Variants in ERBB4 observed in about 807,000 individuals in gnomAD.
The protein encoded by ERBB4 is erb-b2 receptor tyrosine kinase 4, also known as receptor tyrosine-protein kinase erbB-4.
Under a neutral mutation model 158.0 loss-of-function variants are expected in ERBB4, and 42 were observed. The observed-to-expected ratio is 0.27, with a 90% CI of 0.21 to 0.34. The LOEUF (loss-of-function observed/expected upper bound fraction) is 0.34. Among genes scored for constraint, ERBB4 ranks in the 10% least tolerant of loss-of-function variants. The pLI is 1.00. For synonymous variants in ERBB4, 583 were observed against 558.7 expected (o/e 1.04, Z -0.61); for missense variants, 1,333 against 1,624.1 (o/e 0.82, Z 3.08).
chr2:211,737,640 T>G (rs1165812045), intron 5 of ERBB4, among the ~76,000 whole-genome samples: 2 of 152,188 alleles, frequency 1.3e-5, no homozygotes, highest in African/African-American at 4.8e-5. Flanking sequence ...TTTTCATCTA[T>G]AAAATAAAAA....
At chr2:212,051,432 G>A (rs6712126) in intron 2 of ERBB4, among the ~76,000 whole-genome samples, 31,988 of 151,916 alleles carry the variant, frequency 0.21, 4,128 homozygotes, top group African/African-American at 0.37. Context: ...TATTCACTAA[G>A]ACTTTTATTT....
intron 5 of ERBB4, among the ~76,000 whole-genome samples, chr2:211,726,134 C>T (rs1413127637): frequency 6.6e-6 from 1 of 152,168 alleles, no homozygotes; most frequent in African/African-American, 2.4e-5. Context: ...TGTATTTCCA[C>T]TTCAGCCTTG....
intron 22 of ERBB4, among the ~76,000 whole-genome samples, chr2:211,424,655 A>ATATACATATGTATT (rs2063586416): frequency 6.6e-6 from 1 of 152,146 alleles, no homozygotes; most frequent in African/African-American, 2.4e-5. Context: ...CATCTACTAT[A>ATATACATATGTATT]TATACATATG....
chr2:211,811,381 C>A (rs11678860), intron 3 of ERBB4, among the ~76,000 whole-genome samples: 73,703 of 151,984 alleles, frequency 0.48, 18,142 homozygotes, highest in South Asian at 0.61. Flanking sequence ...CCCGAGAGAT[C>A]CGCTGCTAGG....
intron 1 of ERBB4, among the ~76,000 whole-genome samples, chr2:212,275,908 T>C (rs1026281896): frequency 2.0e-5 from 3 of 151,796 alleles, no homozygotes; most frequent in African/African-American, 7.2e-5. Context: ...TCAAGACCCA[T>C]CGGTGTGCTG....
intron 1 of ERBB4, among the ~76,000 whole-genome samples, chr2:212,242,321 A>G (rs1210142042): frequency 5.3e-5 from 8 of 152,056 alleles, no homozygotes; most frequent in Non-Finnish European, 1.5e-5. Context: ...TCTTAGTAAC[A>G]TTTTATTAAA....
chr2:211,569,620 A>T (rs567237469), intron 19 of ERBB4, among the ~76,000 whole-genome samples: 8 of 152,330 alleles, frequency 5.3e-5, no homozygotes, highest in Admixed American at 2.6e-4. Context: ...GTGTCCTGAG[A>T]TCAGATTTAT....
At chr2:211,953,636 G>A (rs897809357) in intron 2 of ERBB4, among the ~76,000 whole-genome samples, 19 of 151,772 alleles carry the variant, frequency 1.3e-4, no homozygotes, top group Admixed American at 5.9e-4. Flanking sequence ...GTAAGCTTCC[G>A]CTCAGTAAAA....
At chr2:211,448,129 C>T (rs1309644467) in intron 20 of ERBB4, among the ~76,000 whole-genome samples, 1 of 152,068 alleles carries the variant, frequency 6.6e-6, no homozygotes, top group African/African-American at 2.4e-5. Flanking sequence ...CGTGCCACCA[C>T]ACCTGGCTAA....
At chr2:212,097,315 T>C (rs535988361) in intron 2 of ERBB4, among the ~76,000 whole-genome samples, 1 of 152,146 alleles carries the variant, frequency 6.6e-6, no homozygotes, top group Non-Finnish European at 1.5e-5. Context: ...GGAGGTAACA[T>C]GATACTGGAA....
rs933943856 is a variant in ERBB4 at position 212,255,287 on chromosome 2, T to A, written c.83-130384A>T. On this transcript the variant is annotated intron_variant, in intron 1 of 27. Coordinates refer to ENST00000342788, the MANE Select transcript of ERBB4 (RefSeq NM_005235.3). ...ATATGTGTGTATATATGAAAGACAG[T>A]AAGTGTGCTGGGGGAAAGAGTCATT... Among the ~76,000 whole-genome samples the A allele has an allele frequency of 1.6e-4, 25 of 152,258 alleles. No individual in the cohort carries two copies. The South Asian group carries it at 2.9e-3, about 18-fold the overall frequency.
chr2:212,101,493 T>A (rs2079082085), intron 2 of ERBB4, among the ~76,000 whole-genome samples: 1 of 151,598 alleles, frequency 6.6e-6, no homozygotes, highest in Non-Finnish European at 1.5e-5. Context: ...TGTATTAGGT[T>A]ATATGAAATT....
chr2:212,422,281 G>C (rs1203750250), intron 1 of ERBB4, among the ~76,000 whole-genome samples: 7 of 152,104 alleles, frequency 4.6e-5, no homozygotes, highest in African/African-American at 1.7e-4. Flanking sequence ...AAGGCGGGTG[G>C]ATAACTGGAG....
At chr2:211,682,517 C>A (rs1194409769) in intron 12 of ERBB4, among the ~76,000 whole-genome samples, 1 of 152,148 alleles carries the variant, frequency 6.6e-6, no homozygotes, top group Non-Finnish European at 1.5e-5. Flanking sequence ...CTGGTCAACC[C>A]ACTCCCCAGT....
At chr2:212,489,718 T>C (rs1380622301) in intron 1 of ERBB4, among the ~76,000 whole-genome samples, 1 of 148,772 alleles carries the variant, frequency 6.7e-6, no homozygotes, top group African/African-American at 2.6e-5. Flanking sequence ...GGAAAAAATA[T>C]ATACATATAT....
At chr2:211,384,750 T>C (rs1431612525) in intron 27 of ERBB4, among the ~76,000 whole-genome samples, 6 of 152,168 alleles carry the variant, frequency 3.9e-5, no homozygotes, top group African/African-American at 1.4e-4. Flanking sequence ...AATATTTCCA[T>C]TGACCAATCA....
chr2:211,595,886 C>T (rs530212378), intron 19 of ERBB4, among the ~76,000 whole-genome samples: 1 of 152,228 alleles, frequency 6.6e-6, no homozygotes, highest in Non-Finnish European at 1.5e-5. Context: ...TGCAGAGGTC[C>T]TGGAACCAAT....
At chr2:211,839,142 G>GGA (rs1491004641) in intron 3 of ERBB4, among the ~76,000 whole-genome samples, 16 of 134,198 alleles carry the variant, frequency 1.2e-4, no homozygotes, top group African/African-American at 4.6e-4. Context: ...AGGGAGAGAG[G>GGA]GAGAGAGAGA....
intron 1 of ERBB4, among the ~76,000 whole-genome samples, chr2:212,267,927 A>G (rs2085208582): frequency 6.6e-6 from 1 of 151,872 alleles, no homozygotes; most frequent in African/African-American, 2.4e-5. Context: ...TAAATCAGGG[A>G]TATTTTGGGA....
Sources: allele counts gnomAD v4.1 joint callset (sites outside exome capture counted in the v4.1 genomes callset), GRCh38; gene constraint gnomAD v4.1.1; transcripts MANE v1.5; gene names NCBI Gene and HGNC (gene_info 2026-07-23, HGNC 2026-07-21).